KCNH5: variants seen among roughly 807,000 people sequenced by gnomAD.
KCNH5 encodes potassium voltage-gated channel subfamily H member 5.
In KCNH5, 46 loss-of-function variants were observed where a neutral mutation model predicts 96.1. That is an observed-to-expected ratio of 0.48 (90% CI 0.38 to 0.61). KCNH5 has a LOEUF of 0.61. Among genes scored for constraint, KCNH5 ranks in the 20% least tolerant of loss-of-function variants. KCNH5 has a pLI of 0.00. For missense variants in KCNH5, 907 were observed against 1,225.8 expected (o/e 0.74, Z 3.88); for synonymous variants, 439 against 449.8 (o/e 0.98, Z 0.30).
At chr14:62,727,009 A>G (rs940968421) in intron 10 of KCNH5, among the ~76,000 whole-genome samples, 1 of 152,226 alleles carries the variant, frequency 6.6e-6, no homozygotes, top group Non-Finnish European at 1.5e-5. Flanking sequence ...AATACCTATT[A>G]TATGATTCTA....
At chr14:62,920,769 A>G (rs1461111260) in intron 7 of KCNH5, among the ~76,000 whole-genome samples, 3 of 152,202 alleles carry the variant, frequency 2.0e-5, no homozygotes, top group African/African-American at 7.2e-5. Flanking sequence ...TTATGCAATA[A>G]AGATCTGAAT....
intron 8 of KCNH5, among the ~76,000 whole-genome samples, chr14:62,831,976 G>T (rs551152662): frequency 6.6e-6 from 1 of 152,162 alleles, no homozygotes; most frequent in South Asian, 2.1e-4. Flanking sequence ...GCCTCCCAAA[G>T]TGTTGGGATT....
chr14:62,981,293 G>C (rs1350192506), intron 5 of KCNH5, 29 bp from the exon 6 acceptor site: 1 of 1,605,026 alleles, frequency 6.2e-7, no homozygotes, highest in Non-Finnish European at 8.5e-7. Flanking sequence ...ATTTATACAT[G>C]ACTAGGTTAT....
intron 7 of KCNH5, among the ~76,000 whole-genome samples, chr14:62,944,340 AC>A (rs1174615036): frequency 6.6e-6 from 1 of 152,124 alleles, no homozygotes; most frequent in Non-Finnish European, 1.5e-5. Flanking sequence ...GTCTCCATCA[AC>A]CTTTTGATAA....
intron 7 of KCNH5, among the ~76,000 whole-genome samples, chr14:62,929,720 C>T (rs149001445): frequency 2.0e-5 from 3 of 152,016 alleles, no homozygotes; most frequent in Admixed American, 6.6e-5. Flanking sequence ...AGGGAAGATA[C>T]GTGTAGATTT....
At position 62,793,711 on chromosome 14, in the gene KCNH5, G is replaced by T. The variant is rs144657948; in HGVS notation, c.1822+8618C>A. 3.5e-3 allele frequency among the ~76,000 whole-genome samples: 536 copies of T among 151,604 alleles called. 2 individuals are homozygous for T. Among genetic ancestry groups the T allele is most frequent in the African/African-American group, 0.012 (505 of 41,404 alleles). On this transcript the variant is annotated intron_variant, in intron 9 of 10. Transcript: ENST00000322893. ...AAGTTTTTTGAACTTTTGTTCAAAA[G>T]TTGAAACATTTGCTTTATGCTGTGA...
Position 62,705,663 on chromosome 14 carries a change from T to A in KCNH5, c.*1845A>T, listed in dbSNP as rs757117636. On this transcript the variant is annotated 3_prime_UTR_variant, in exon 11 of 11. Transcript: ENST00000322893. ...GACTCCTAGATTAAAGAGGCACATC[T>A]TGTGGGCATGTGAAGTTCAATAGAA... 1 of 152,162 alleles carries A rather than the reference T, an allele frequency of 6.6e-6. No homozygotes were observed. Among genetic ancestry groups the A allele is most frequent in the South Asian group, 2.1e-4 (1 of 4,826 alleles). The allele number at this position is 152,162 out of a possible 1,614,324, so 9.4% of individuals were successfully genotyped here. A position where few individuals can be genotyped will look rare whatever the true frequency, so the allele number is the denominator to read the frequency against.
chr14:62,948,767 A>C (rs1889942752), intron 7 of KCNH5, among the ~76,000 whole-genome samples: 3 of 149,804 alleles, frequency 2.0e-5, no homozygotes, highest in Admixed American at 2.0e-4. Context: ...TCAATAAAAT[A>C]CTGGCAAACC....
intron 2 of KCNH5, among the ~76,000 whole-genome samples, chr14:63,011,831 A>T (rs190098423): frequency 6.6e-6 from 1 of 152,176 alleles, no homozygotes; most frequent in Non-Finnish European, 1.5e-5. Flanking sequence ...AGCTGCTGAG[A>T]TAATCCTGTG....
chr14:62,939,871 C>T (rs1450499316), intron 7 of KCNH5, among the ~76,000 whole-genome samples: 1 of 151,758 alleles, frequency 6.6e-6, no homozygotes, highest in Non-Finnish European at 1.5e-5. Context: ...ACCCAGGAGG[C>T]GGAGGCTGCA....
At chr14:62,883,327 G>T (rs559500299) in intron 7 of KCNH5, among the ~76,000 whole-genome samples, 1 of 152,116 alleles carries the variant, frequency 6.6e-6, no homozygotes, top group Non-Finnish European at 1.5e-5. Context: ...AAATGAATTA[G>T]TCCCTTACCC....
At chr14:62,950,054 C>T (rs765135367) in intron 7 of KCNH5, 79 bp downstream of exon 7, 39 of 1,227,912 alleles carry the variant, frequency 3.2e-5, no homozygotes, top group Non-Finnish European at 4.3e-5. Flanking sequence ...CAAAGTAGTT[C>T]GTTTTCATCC....
At chr14:63,023,364 G>T in intron 1 of KCNH5, among the ~76,000 whole-genome samples, 1 of 152,072 alleles carries the variant, frequency 6.6e-6, no homozygotes, top group East Asian at 1.9e-4. Flanking sequence ...ATATGAATAA[G>T]CCAATGAACT....
chr14:62,842,915 T>C (rs1402098588), intron 8 of KCNH5, among the ~76,000 whole-genome samples: 1 of 152,180 alleles, frequency 6.6e-6, no homozygotes, highest in African/African-American at 2.4e-5. Context: ...AGATGTAATA[T>C]ATAATAGTAC....
rs986506417 is a variant in KCNH5, at chr14:62,702,927, T to C, written c.*4581A>G. The C allele has an allele frequency of 1.3e-5, 2 of 151,912 alleles. No individual in the cohort carries two copies. The highest frequency in any genetic ancestry group is 2.4e-5 in the African/African-American group (1 of 41,432). 9.4% of individuals were successfully genotyped at this position (151,912 alleles called of 1,614,324 possible). ...TCATGATTATTTTAATATAAAAAGT[T>C]GAAGGATGAACTACTCTAGTTTTTA... is the stretch of plus-strand genomic sequence containing the variant. On this transcript the variant is annotated 3_prime_UTR_variant, in exon 11 of 11. Coordinates refer to ENST00000322893, the MANE Select transcript of KCNH5 (RefSeq NM_139318.5).
At chr14:62,729,735 C>T (rs1172443962) in intron 10 of KCNH5, among the ~76,000 whole-genome samples, 1 of 152,192 alleles carries the variant, frequency 6.6e-6, no homozygotes, top group Non-Finnish European at 1.5e-5. Context: ...ACAGGAATTG[C>T]CACATGGCTG....
intron 7 of KCNH5, among the ~76,000 whole-genome samples, chr14:62,941,216 T>C (rs79140813): frequency 0.02 from 3,031 of 152,326 alleles, 60 homozygotes; most frequent in East Asian, 0.082. Context: ...TTCAGGCTAG[T>C]TAATAGGCTA....
At chr14:62,823,327 C>G (rs985456302) in intron 8 of KCNH5, among the ~76,000 whole-genome samples, 1 of 152,066 alleles carries the variant, frequency 6.6e-6, no homozygotes, top group African/African-American at 2.4e-5. Flanking sequence ...TTTCAAAAGT[C>G]AAAATTTTTC....
chr14:62,786,194 A>AAAAT (rs746626492), intron 9 of KCNH5, among the ~76,000 whole-genome samples: 46 of 152,186 alleles, frequency 3.0e-4, no homozygotes, highest in African/African-American at 9.7e-4. Flanking sequence ...CAGTCTCAGA[A>AAAAT]AAATAAATAA....
Sources: allele counts gnomAD v4.1 joint callset (sites outside exome capture counted in the v4.1 genomes callset), GRCh38; gene constraint gnomAD v4.1.1; transcripts MANE v1.5; gene names NCBI Gene and HGNC (gene_info 2026-07-23, HGNC 2026-07-21).